Variants in STIM2 observed in about 807,000 individuals in gnomAD.
The protein encoded by STIM2 is stromal interaction molecule 2.
Under a neutral mutation model 85.8 loss-of-function variants are expected in STIM2, and 31 were observed. That is an observed-to-expected ratio of 0.36 (90% CI 0.27 to 0.49). The LOEUF (loss-of-function observed/expected upper bound fraction) is 0.49, where lower values mean the gene tolerates loss of function less well. Ranked by LOEUF, STIM2 falls within the 20% of genes least tolerant of loss-of-function variation. The pLI is 0.98. For missense variants in STIM2, 841 were observed against 927.6 expected (o/e 0.91, Z 1.21); for synonymous variants, 356 against 331.1 (o/e 1.08, Z -0.82).
At chr4:26,932,938 G>A (rs1725256478) in intron 2 of STIM2, among the ~76,000 whole-genome samples, 1 of 152,184 alleles carries the variant, frequency 6.6e-6, no homozygotes, top group Non-Finnish European at 1.5e-5. Context: ...TGAAAGAACT[G>A]AGAAGTAATA....
chr4:27,009,125 C>T (rs1577494797), intron 10 of STIM2, 123 bp downstream of exon 10: 1 of 741,838 alleles, frequency 1.3e-6, no homozygotes, highest in East Asian at 2.6e-5. Context: ...TTCATTTTCT[C>T]TTTCTTTTTG....
intron 1 of STIM2, among the ~76,000 whole-genome samples, chr4:26,864,004 G>A (rs190248601): frequency 6.6e-6 from 1 of 152,094 alleles, no homozygotes; most frequent in African/African-American, 2.4e-5. Context: ...TTTTACTTTA[G>A]GGATTTAGTG....
At chr4:26,965,026 GCTACAAATACCT>G in intron 3 of STIM2, among the ~76,000 whole-genome samples, 1 of 152,144 alleles carries the variant, frequency 6.6e-6, no homozygotes, top group East Asian at 1.9e-4. Context: ...CTGTTAATAT[GCTACAAATACCT>G]GTGCTGTTTT....
At chr4:26,952,344 T>C (rs1726084051) in intron 2 of STIM2, among the ~76,000 whole-genome samples, 1 of 152,150 alleles carries the variant, frequency 6.6e-6, no homozygotes, top group African/African-American at 2.4e-5. Context: ...GATTATCAGC[T>C]GGTGTTTGTA....
At chr4:26,861,527 C>G in intron 1 of STIM2, 158 bp downstream of exon 1, 1 of 1,120,286 alleles carries the variant, frequency 8.9e-7, no homozygotes, top group Non-Finnish European at 1.1e-6. Flanking sequence ...GTCCCCTGCA[C>G]TCCGGACGTC....
intron 3 of STIM2, among the ~76,000 whole-genome samples, chr4:26,994,964 T>C (rs1221863229): frequency 2.0e-5 from 3 of 152,148 alleles, no homozygotes; most frequent in African/African-American, 2.4e-5. Context: ...ACAAGGACTT[T>C]ATCCGTTTTA....
intron 1 of STIM2, among the ~76,000 whole-genome samples, chr4:26,884,205 G>T (rs1375594175): frequency 6.6e-6 from 1 of 152,186 alleles, no homozygotes; most frequent in African/African-American, 2.4e-5. Context: ...GTGGGAGACT[G>T]TGTGTGCCTG....
intron 2 of STIM2, among the ~76,000 whole-genome samples, chr4:26,940,850 TA>T (rs1725584178): frequency 6.6e-6 from 1 of 152,206 alleles, no homozygotes; most frequent in Non-Finnish European, 1.5e-5. Context: ...GAAGACTTGT[TA>T]AAACACAGAT....
chr4:26,913,652 C>T (rs1331224954), intron 1 of STIM2, among the ~76,000 whole-genome samples: 2 of 152,140 alleles, frequency 1.3e-5, no homozygotes, highest in Non-Finnish European at 2.9e-5. Flanking sequence ...TTCTAATCAG[C>T]CAAATTATTT....
At chr4:26,873,526 G>T in intron 1 of STIM2, 1 of 380,842 alleles carries the variant, frequency 2.6e-6, no homozygotes, top group Non-Finnish European at 5.0e-6. Context: ...GTTAGCAGTA[G>T]CCCAGGGTAA....
chr4:27,024,493 A>G lies in STIM2; in HGVS notation c.*1497A>G, dbSNP rs909003494. On this transcript the variant is annotated 3_prime_UTR_variant, in exon 12 of 12. Coordinates refer to ENST00000467087, the MANE Select transcript of STIM2 (RefSeq NM_020860.4). Reference sequence around the variant, plus strand: ...AGGTGAAAATGCTAATTGATAAACCAGAAGTTTCTTTTGAGATTTGCTTTA... The same window carrying G: ...AGGTGAAAATGCTAATTGATAAACCGGAAGTTTCTTTTGAGATTTGCTTTA... 1.3e-5 allele frequency: 2 copies of G among 152,248 alleles called. No individual in the cohort carries two copies. The highest frequency in any genetic ancestry group is 2.4e-5 in the African/African-American group (1 of 41,476). The allele number at this position is 152,248 out of a possible 1,614,324, so 9.4% of individuals were successfully genotyped here.
At chr4:26,905,134 G>A (rs1055048186) in intron 1 of STIM2, among the ~76,000 whole-genome samples, 2 of 152,144 alleles carry the variant, frequency 1.3e-5, no homozygotes, top group Non-Finnish European at 2.9e-5. Flanking sequence ...AAGAAGATAC[G>A]AAATAGAATG....
chr4:26,977,110 G>C (rs1199743768), intron 3 of STIM2, among the ~76,000 whole-genome samples: 2 of 152,180 alleles, frequency 1.3e-5, no homozygotes, highest in African/African-American at 2.4e-5. Flanking sequence ...TTTGGTTATA[G>C]ATCAGAGTGG....
At chr4:26,951,800 G>A (rs1270079456) in intron 2 of STIM2, among the ~76,000 whole-genome samples, 3 of 152,030 alleles carry the variant, frequency 2.0e-5, no homozygotes, top group Non-Finnish European at 4.4e-5. Flanking sequence ...TGATGTAATG[G>A]TGATTGGATA....
chr4:26,891,162 T>C (rs191473505), intron 1 of STIM2, among the ~76,000 whole-genome samples: 1 of 152,238 alleles, frequency 6.6e-6, no homozygotes, highest in Non-Finnish European at 1.5e-5. Context: ...AGTTGTTTGG[T>C]CAAACACTAG....
At chr4:26,865,343 G>A (rs1175508725) in intron 1 of STIM2, among the ~76,000 whole-genome samples, 1 of 152,134 alleles carries the variant, frequency 6.6e-6, no homozygotes, top group Admixed American at 6.5e-5. Flanking sequence ...GGCAGAACTG[G>A]CCTCTGTTGG....
At chr4:26,972,735 C>A (rs1460387807) in intron 3 of STIM2, among the ~76,000 whole-genome samples, 1 of 152,264 alleles carries the variant, frequency 6.6e-6, no homozygotes, top group African/African-American at 2.4e-5. Flanking sequence ...GCTTTGGTAT[C>A]AGGTTGATGC....
intron 2 of STIM2, among the ~76,000 whole-genome samples, chr4:26,949,079 G>A (rs1048402309): frequency 2.0e-5 from 3 of 151,810 alleles, no homozygotes; most frequent in African/African-American, 7.3e-5. Flanking sequence ...CACTTTTTAC[G>A]GACTTAGAAT....
At chr4:26,946,552 T>TTG (rs369625295) in intron 2 of STIM2, among the ~76,000 whole-genome samples, 20 of 152,244 alleles carry the variant, frequency 1.3e-4, no homozygotes, top group South Asian at 1.2e-3. Flanking sequence ...CCTGACTAGT[T>TTG]TGTGTGTGTG....
Sources: gnomAD v4.1 joint callset for allele counts (sites outside exome capture counted in the v4.1 genomes callset) on GRCh38, gnomAD v4.1.1 for gene constraint, MANE v1.5 for transcripts, NCBI Gene and HGNC (gene_info 2026-07-23, HGNC 2026-07-21) for gene names.